Variants in MYO6 observed in about 807,000 individuals in gnomAD.
MYO6 encodes myosin VI, also known as unconventional myosin-VI.
MYO6 carries 74 observed loss-of-function variants against 178.7 expected under a neutral mutation model. That is an observed-to-expected ratio of 0.41 (90% confidence interval 0.34 to 0.50). The LOEUF (loss-of-function observed/expected upper bound fraction) is 0.50, where lower values mean the gene tolerates loss of function less well. Ranked by LOEUF, MYO6 falls within the 20% of genes least tolerant of loss-of-function variation. The pLI is 0.09. For missense variants in MYO6, 1,330 were observed against 1,547.4 expected, an observed-to-expected ratio of 0.86 and a Z score of 2.36; for synonymous variants, 477 against 504.6, an observed-to-expected ratio of 0.95 and a Z score of 0.73.
intron 5 of MYO6, 62 bp downstream of exon 5, chr6:75,830,607 T>C (rs1193836762): frequency 6.6e-7 from 1 of 1,509,822 alleles, no homozygotes; most frequent in African/African-American, 1.4e-5. Context: ...ATTTACTCAA[T>C]TTTTCTTTTG....
At chr6:75,813,498 C>T (rs962501950) in intron 1 of MYO6, among the ~76,000 whole-genome samples, 5 of 152,132 alleles carry the variant, frequency 3.3e-5, no homozygotes, top group African/African-American at 1.2e-4. Context: ...ATCAGGGACC[C>T]CAGGAGCCCG....
rs1778871031 is a variant in MYO6 at position 75,891,128 on chromosome 6, A to G, written c.2868-100A>G. The G allele has an allele frequency of 5.2e-6, 4 of 765,576 alleles. No homozygotes were observed. The Admixed American group carries it at 7.4e-5, about 14-fold the overall frequency. 47.4% of individuals were successfully genotyped at this position (765,576 alleles called of 1,614,324 possible). On this transcript the variant is annotated intron_variant, in intron 26 of 34. Transcript: ENST00000369977. ...GCCAGGAGGTTAATTTGCATTCCCA[A>G]TCTGTTACCTTTGTTTATTATTAAA...
At chr6:75,777,005 C>A (rs976691329) in intron 1 of MYO6, among the ~76,000 whole-genome samples, 11 of 151,974 alleles carry the variant, frequency 7.2e-5, no homozygotes, top group Non-Finnish European at 1.3e-4. Context: ...TTTTTTTAAT[C>A]GATAGGTATT....
chr6:75,752,125 T>G (rs1236117839), intron 1 of MYO6, among the ~76,000 whole-genome samples: 3 of 152,024 alleles, frequency 2.0e-5, no homozygotes, highest in Non-Finnish European at 4.4e-5. Flanking sequence ...CCTGAGTAGC[T>G]GAGATTACAG....
chr6:75,842,234 C>CA (rs1423915653), intron 9 of MYO6, among the ~76,000 whole-genome samples: 7 of 151,920 alleles, frequency 4.6e-5, no homozygotes, highest in Non-Finnish European at 1.0e-4. Flanking sequence ...CTGAGCATTA[C>CA]AAGCGAGTAG....
intron 1 of MYO6, among the ~76,000 whole-genome samples, chr6:75,805,130 T>G (rs1175045089): frequency 6.7e-6 from 1 of 149,494 alleles, no homozygotes; most frequent in African/African-American, 2.5e-5. Context: ...GTTCAAGTGA[T>G]TCTCGTGCCT....
At chr6:75,886,712 G>T in intron 24 of MYO6, 132 bp from the exon 25 acceptor site, 1 of 869,730 alleles carries the variant, frequency 1.1e-6, no homozygotes. Flanking sequence ...TTCAACAAGA[G>T]ATCTGAAAAA....
At chr6:75,812,827 G>A in intron 1 of MYO6, among the ~76,000 whole-genome samples, 1 of 152,080 alleles carries the variant, frequency 6.6e-6, no homozygotes, top group East Asian at 1.9e-4. Flanking sequence ...TATGCACCAT[G>A]TTGTCTTTAT....
chr6:75,857,136 T>A lies in MYO6; in HGVS notation c.1263T>A (p.Asp421Glu). 6.2e-7 allele frequency: 1 copy of A among 1,614,134 alleles called. No individual in the cohort carries two copies. The highest frequency in any genetic ancestry group is 8.5e-7 in the Non-Finnish European group (1 of 1,179,972). The change falls in exon 13 of 35, where the codon GAT becomes GAA. Residue 421 changes from aspartate (D) to glutamate (E), a missense_variant. Around this residue, in one of 3 missense-constraint regions of MYO6, gnomAD observed 613 missense variants for 816.8 expected, o/e 0.75. Transcript: ENST00000369977. ...LKVEQANNAR[D>E]ALAKTVYSHL... ...TGGAGCAAGCAAACAATGCTCGTGATGCCCTGGCAAAGACAGTGTATAGCC... is the reference window on the plus strand; with the variant it reads ...TGGAGCAAGCAAACAATGCTCGTGAAGCCCTGGCAAAGACAGTGTATAGCC...
intron 10 of MYO6, among the ~76,000 whole-genome samples, chr6:75,846,368 C>T (rs1281807740): frequency 6.6e-6 from 1 of 151,740 alleles, no homozygotes; most frequent in East Asian, 1.9e-4. Context: ...CATTTGTAAG[C>T]CCGATATTTT....
chr6:75,841,059 C>T (rs770022805), intron 8 of MYO6, among the ~76,000 whole-genome samples, 155 bp from the exon 9 acceptor site: 9 of 152,054 alleles, frequency 5.9e-5, no homozygotes, highest in Middle Eastern at 3.2e-3. Context: ...TCTGTGCTTA[C>T]GTTTAGTTAT....
At chr6:75,881,143 C>T (rs564720115) in intron 22 of MYO6, among the ~76,000 whole-genome samples, 10 of 152,154 alleles carry the variant, frequency 6.6e-5, no homozygotes, top group South Asian at 4.1e-4. Context: ...ATCTCAGCTA[C>T]TTGGGTGGCT....
chr6:75,771,350 G>A (rs1765880497), intron 1 of MYO6, among the ~76,000 whole-genome samples: 1 of 151,882 alleles, frequency 6.6e-6, no homozygotes, highest in Non-Finnish European at 1.5e-5. Context: ...TTTTTTAGTG[G>A]CCTCCACTAA....
In MYO6 at chr6:75,817,560, A is replaced by C; in HGVS notation, c.13A>C (p.Lys5Gln). The C allele has an allele frequency of 6.2e-7, 1 of 1,614,176 alleles. No individual in the cohort carries two copies. Among genetic ancestry groups the C allele is most frequent in the Non-Finnish European group, 8.5e-7 (1 of 1,179,986 alleles). The change falls in exon 2 of 35, where the codon AAG becomes CAG. Residue 5 changes from lysine (K) to glutamine (Q), a missense_variant. Coordinates refer to ENST00000369977, the MANE Select transcript of MYO6 (RefSeq NM_004999.4). MEDG[K>Q]PVWAPHPTDG... Reference sequence around the variant, plus strand: ...TCCTCCTTCAAAAATGGAGGATGGAAAGCCCGTTTGGGCGCCACACCCTAC... The same window carrying C: ...TCCTCCTTCAAAAATGGAGGATGGACAGCCCGTTTGGGCGCCACACCCTAC...
chr6:75,914,766 G>A, intron 34 of MYO6, 47 bp from the exon 35 acceptor site: 1 of 1,562,334 alleles, frequency 6.4e-7, no homozygotes, highest in Non-Finnish European at 8.8e-7. Context: ...GGTAAGAAAT[G>A]GTCCTGAAGA....
At chr6:75,803,062 T>A (rs985648461) in intron 1 of MYO6, among the ~76,000 whole-genome samples, 6 of 152,228 alleles carry the variant, frequency 3.9e-5, no homozygotes, top group African/African-American at 1.4e-4. Flanking sequence ...ATGAATTATG[T>A]CTAAATCCAA....
intron 1 of MYO6, among the ~76,000 whole-genome samples, chr6:75,798,951 A>G (rs1769138063): frequency 6.6e-6 from 1 of 152,240 alleles, no homozygotes; most frequent in Non-Finnish European, 1.5e-5. Flanking sequence ...AGTATTTCTA[A>G]ACAGCAGTGA....
At chr6:75,769,068 C>G (rs1024863449) in intron 1 of MYO6, among the ~76,000 whole-genome samples, 6 of 152,184 alleles carry the variant, frequency 3.9e-5, no homozygotes, top group African/African-American at 1.2e-4. Context: ...AGAGCGAGCA[C>G]TCACTCATTT....
At chr6:75,853,397 A>T (rs1464274390) in intron 11 of MYO6, among the ~76,000 whole-genome samples, 5 of 152,168 alleles carry the variant, frequency 3.3e-5, no homozygotes, top group African/African-American at 7.2e-5. Context: ...TATATCAAAG[A>T]CATGAAGATT....
Sources: gnomAD v4.1 joint callset for allele counts (sites outside exome capture counted in the v4.1 genomes callset) on GRCh38, gnomAD v4.1.1 for gene constraint, gnomAD v4.1.1 regional missense constraint, MANE v1.5 for transcripts, NCBI Gene and HGNC (gene_info 2026-07-23, HGNC 2026-07-21) for gene names.